Variants in NRXN2 observed in about 807,000 individuals in gnomAD.
NRXN2 encodes the protein neurexin-2-beta.
A neutral mutation model predicts 128.8 loss-of-function variants in NRXN2; 29 were observed. The ratio of observed to expected loss-of-function variants is 0.23; its 90% CI spans 0.17 to 0.31. NRXN2 has a LOEUF of 0.31. Among genes scored for constraint, NRXN2 ranks in the 10% least tolerant of loss-of-function variants. NRXN2 has a pLI of 1.00. For missense variants in NRXN2, 1,881 were observed against 2,452.6 expected (o/e 0.77, Z 4.92); for synonymous variants, 1,098 against 1,075.2 (o/e 1.02, Z -0.41).
chr11:64,661,412 C>T (rs2049012116), intron 9 of NRXN2: 6 of 1,370,362 alleles, frequency 4.4e-6, no homozygotes, highest in East Asian at 2.9e-5. Context: ...CTCCTCCCCA[C>T]CTCAGCAAGT....
intron 18 of NRXN2, among the ~76,000 whole-genome samples, chr11:64,634,531 C>A (rs2044398073): frequency 6.6e-6 from 1 of 151,896 alleles, no homozygotes. Context: ...AGAGGGAGAC[C>A]CTGGGAAGGA....
intron 20 of NRXN2, among the ~76,000 whole-genome samples, chr11:64,626,086 C>G (rs985629927): frequency 3.3e-5 from 5 of 152,154 alleles, no homozygotes; most frequent in Non-Finnish European, 1.5e-5. Context: ...ACCAAGCCTC[C>G]GAGATGATTC....
chr11:64,702,288 G>A (rs144878395), intron 2 of NRXN2, among the ~76,000 whole-genome samples: 6 of 152,188 alleles, frequency 3.9e-5, no homozygotes, highest in Middle Eastern at 6.3e-3. Flanking sequence ...GCCACCACCC[G>A]TCTGGGAGGT....
intron 3 of NRXN2, among the ~76,000 whole-genome samples, chr11:64,697,249 A>G (rs1453749782): frequency 6.6e-6 from 1 of 152,068 alleles, no homozygotes; most frequent in African/African-American, 2.4e-5. Context: ...AGCTGCTCCC[A>G]CTATACACCT....
At chr11:64,685,608 G>C (rs1229626411) in intron 6 of NRXN2, 38 bp downstream of exon 6, 1 of 1,613,646 alleles carries the variant, frequency 6.2e-7, no homozygotes, top group South Asian at 1.1e-5. Context: ...TCTACCCCAG[G>C]TATAGCTAAT....
In NRXN2 at chr11:64,608,089, CAA is replaced by C. The variant is rs766928395; in HGVS notation, c.4253-9_4253-8del. 3.8e-6 allele frequency: 6 copies of C among 1,582,816 alleles called. No individual in the cohort carries two copies. The South Asian group carries it at 4.5e-5, about 12-fold the overall frequency. On this transcript the variant is annotated splice_polypyrimidine_tract_variant and splice_region_variant and intron_variant, in intron 22 of 22. Transcript: ENST00000265459. ...GGCAATATTAACTCTCCTCCTAGAA[CAA>C]GAGAGAGAAGAGAAAAGAGAGGGCG... is the stretch of plus-strand genomic sequence containing the variant.
At chr11:64,721,297 C>G (rs909718265) in intron 1 of NRXN2, among the ~76,000 whole-genome samples, 1 of 151,822 alleles carries the variant, frequency 6.6e-6, no homozygotes, top group Non-Finnish European at 1.5e-5. Context: ...ACCAGCCACT[C>G]GCGCACCCAG....
At chr11:64,611,224 G>A (rs1450068554) in intron 22 of NRXN2, among the ~76,000 whole-genome samples, 6 of 152,158 alleles carry the variant, frequency 3.9e-5, no homozygotes, top group Admixed American at 2.6e-4. Flanking sequence ...GGGAGTGGGC[G>A]TCTCTCTCAC....
intron 22 of NRXN2, among the ~76,000 whole-genome samples, chr11:64,618,694 C>G (rs1425187322): frequency 6.6e-6 from 1 of 152,120 alleles, no homozygotes; most frequent in Non-Finnish European, 1.5e-5. Flanking sequence ...CAAGATCGCC[C>G]CAGGGGAAGA....
intron 22 of NRXN2, 128 bp from the exon 23 acceptor site, chr11:64,608,210 G>T: frequency 1.3e-6 from 1 of 761,776 alleles, no homozygotes; most frequent in South Asian, 1.7e-5. Flanking sequence ...GCGGAGACTA[G>T]AGCGGGCTGG....
chr11:64,722,744 TCTC>T (rs1344846330), intron 1 of NRXN2, among the ~76,000 whole-genome samples: 2 of 133,450 alleles, frequency 1.5e-5, no homozygotes, highest in Non-Finnish European at 3.2e-5. Flanking sequence ...CCCTCCCCAT[TCTC>T]CTCAGCTCTC....
At chr11:64,671,295 C>CA (rs762008105) in intron 7 of NRXN2, among the ~76,000 whole-genome samples, 7 of 152,044 alleles carry the variant, frequency 4.6e-5, no homozygotes, top group East Asian at 3.9e-4. Context: ...GAAAGGAAGC[C>CA]AAGGGTAGAG....
chr11:64,717,999 ATCT>A (rs2057343297), intron 1 of NRXN2, among the ~76,000 whole-genome samples: 1 of 152,118 alleles, frequency 6.6e-6, no homozygotes, highest in Non-Finnish European at 1.5e-5. Flanking sequence ...CATGGGGTTC[ATCT>A]TCTCTTTTTT....
intron 22 of NRXN2, among the ~76,000 whole-genome samples, chr11:64,613,864 T>C (rs2041062481): frequency 2.0e-5 from 3 of 152,076 alleles, no homozygotes; most frequent in African/African-American, 7.2e-5. Context: ...CATAATGCAG[T>C]GGCAAAGCAT....
At position 64,623,152 on chromosome 11, in the gene NRXN2, AAGG is replaced by A; in HGVS notation, c.3848-77_3848-75del. ...AGACCAGGAAGGGAAGGAAGAAAAGAAGGAAGCCAAGGAGAGGAAAGAGGAATG... is the reference window on the plus strand; with the variant it reads ...AGACCAGGAAGGGAAGGAAGAAAAGAAAGCCAAGGAGAGGAAAGAGGAATG... On this transcript the variant is annotated intron_variant, in intron 20 of 22. Transcript: ENST00000265459. The surrounding 1 kb of genome is among the most constrained non-coding windows in gnomAD (Gnocchi z 4.9). 2.0e-6 allele frequency: 3 copies of A among 1,514,702 alleles called. No individual in the cohort carries two copies. Among genetic ancestry groups the A allele is most frequent in the Non-Finnish European group, 2.7e-6 (3 of 1,127,688 alleles). The allele number at this position is 1,514,702 out of a possible 1,614,324, so 93.8% of individuals were successfully genotyped here.
intron 2 of NRXN2, among the ~76,000 whole-genome samples, chr11:64,706,884 C>T (rs531812827): frequency 7.2e-5 from 11 of 152,112 alleles, no homozygotes; most frequent in South Asian, 4.2e-4. Context: ...TTACTCATCA[C>T]TAATTTTATA....
intron 21 of NRXN2, among the ~76,000 whole-genome samples, 162 bp from the exon 22 acceptor site, chr11:64,620,534 G>A (rs561122027): frequency 6.6e-6 from 1 of 152,050 alleles, no homozygotes; most frequent in South Asian, 2.1e-4. Flanking sequence ...GGCTGACCTC[G>A]GGCCTCCATT....
chr11:64,665,239 C>T (rs1177264795), intron 9 of NRXN2, among the ~76,000 whole-genome samples: 14 of 151,904 alleles, frequency 9.2e-5, no homozygotes, highest in African/African-American at 3.4e-4. Context: ...CGAGATCGCG[C>T]CACTGCACTC....
At chr11:64,608,998 C>T (rs763448389) in intron 22 of NRXN2, among the ~76,000 whole-genome samples, 9 of 151,852 alleles carry the variant, frequency 5.9e-5, no homozygotes, top group Non-Finnish European at 1.0e-4. Flanking sequence ...AGGGTGGCCA[C>T]GGGAGGCGAG....
Sources: allele counts gnomAD v4.1 joint callset (sites outside exome capture counted in the v4.1 genomes callset), GRCh38; gene constraint gnomAD v4.1.1; non-coding constraint Gnocchi (gnomAD v3.1); transcripts MANE v1.5; gene names NCBI Gene and HGNC (gene_info 2026-07-23, HGNC 2026-07-21).